The following NCALD variants were observed in gnomAD, a reference collection of about 807,000 sequenced individuals.
NCALD encodes the protein neurocalcin-delta.
Under a neutral mutation model 18.6 loss-of-function variants are expected in NCALD, and 10 were observed. That is an observed-to-expected ratio of 0.54 (90% confidence interval 0.33 to 0.91). The LOEUF (loss-of-function observed/expected upper bound fraction) is 0.91, where lower values mean the gene tolerates loss of function less well. Among genes scored for constraint, NCALD ranks in the 40% least tolerant of loss-of-function variants. The probability of loss-of-function intolerance (pLI) is 0.03; values close to 1 mark genes in which losing one functional copy is unlikely to be tolerated. For missense variants in NCALD, 184 were observed against 247.6 expected (o/e 0.74, Z 1.72); for synonymous variants, 88 against 87.4 (o/e 1.01, Z -0.04).
intron 4 of NCALD, among the ~76,000 whole-genome samples, chr8:101,843,586 T>TTTTTTTTTTG: frequency 6.7e-6 from 1 of 149,004 alleles, no homozygotes; most frequent in African/African-American, 2.5e-5. Flanking sequence ...AAAATTGTTT[T>TTTTTTTTTTG]TTTTTTTTTT....
At chr8:101,992,991 T>C (rs919164150) in intron 2 of NCALD, among the ~76,000 whole-genome samples, 10 of 148,792 alleles carry the variant, frequency 6.7e-5, no homozygotes, top group Non-Finnish European at 1.5e-5. Flanking sequence ...TCGTCCAAGA[T>C]AAGCCGAGGA....
At chr8:101,834,407 C>T (rs145902869) in intron 4 of NCALD, among the ~76,000 whole-genome samples, 2 of 152,222 alleles carry the variant, frequency 1.3e-5, no homozygotes, top group African/African-American at 2.4e-5. Flanking sequence ...TTTCCACTGG[C>T]GACTCAGCTA....
intron 1 of NCALD, among the ~76,000 whole-genome samples, chr8:101,774,842 C>T (rs1811727443): frequency 6.6e-6 from 1 of 152,176 alleles, no homozygotes; most frequent in South Asian, 2.1e-4. Flanking sequence ...AAGCTGAATG[C>T]TGCACTAGGT....
intron 4 of NCALD, among the ~76,000 whole-genome samples, chr8:101,827,182 C>T (rs1007904805): frequency 9.2e-5 from 14 of 152,286 alleles, no homozygotes; most frequent in African/African-American, 2.4e-4. Context: ...CTTATGGCTG[C>T]GTCACTACAG....
chr8:101,801,812 G>A (rs1812876120), intron 4 of NCALD, among the ~76,000 whole-genome samples: 1 of 151,454 alleles, frequency 6.6e-6, no homozygotes, highest in Non-Finnish European at 1.5e-5. Context: ...GACTACAGGT[G>A]CCCGCCACCA....
At chr8:101,819,592 T>C (rs1813637928) in intron 4 of NCALD, among the ~76,000 whole-genome samples, 1 of 152,114 alleles carries the variant, frequency 6.6e-6, no homozygotes, top group Non-Finnish European at 1.5e-5. Context: ...CCCCTGTAAA[T>C]CTCTTCCCAC....
chr8:101,835,299 T>C (rs1014043045), intron 4 of NCALD, among the ~76,000 whole-genome samples: 25 of 152,306 alleles, frequency 1.6e-4, no homozygotes, highest in Admixed American at 1.6e-3. Flanking sequence ...CTCTAGGCAA[T>C]AGTTCTCAAC....
Position 101,692,140 on chromosome 8 carries a change from T to C in NCALD, c.484+651A>G, listed in dbSNP as rs1044761618. 6 of 984,876 alleles carry C rather than the reference T, an allele frequency of 6.1e-6. No homozygotes were observed. The Admixed American group carries it at 3.1e-4, about 50-fold the overall frequency. 61.0% of individuals were successfully genotyped at this position (984,876 alleles called of 1,614,324 possible). A position where few individuals can be genotyped will look rare whatever the true frequency, so the allele number is the denominator to read the frequency against. On this transcript the variant is annotated intron_variant, in intron 3 of 3. Coordinates refer to ENST00000220931, the MANE Select transcript of NCALD (RefSeq NM_032041.3). ...GGATAATTGGGCCTCCTGTATTCTA[T>C]CTGGCAATTTAAGATCTAAAATCCT... is the stretch of plus-strand genomic sequence containing the variant.
At chr8:101,691,327 T>G in intron 3 of NCALD, 1 of 985,340 alleles carries the variant, frequency 1.0e-6, no homozygotes, top group Non-Finnish European at 1.2e-6. Flanking sequence ...AAGGCACAGG[T>G]CTTTAGCAGT....
chr8:101,804,520 C>T (rs1372936082), intron 4 of NCALD, among the ~76,000 whole-genome samples: 8 of 107,622 alleles, frequency 7.4e-5, no homozygotes, highest in African/African-American at 3.5e-4. Context: ...TAATATATAA[C>T]AAAGATTATA....
intron 1 of NCALD, among the ~76,000 whole-genome samples, chr8:102,044,003 T>G (rs1333046174): frequency 6.6e-6 from 1 of 151,912 alleles, no homozygotes; most frequent in Non-Finnish European, 1.5e-5. Flanking sequence ...CTAGTTTGCC[T>G]CAAATTCTTG....
intron 3 of NCALD, chr8:101,691,510 G>A (rs561127130): frequency 6.4e-5 from 63 of 985,198 alleles, no homozygotes; most frequent in Non-Finnish European, 7.2e-5. Flanking sequence ...CTGAAGAGCT[G>A]TCTGGACCTA....
At chr8:101,753,678 G>A (rs774894388) in intron 1 of NCALD, among the ~76,000 whole-genome samples, 1 of 152,162 alleles carries the variant, frequency 6.6e-6, no homozygotes, top group African/African-American at 2.4e-5. Flanking sequence ...GGGCTTCTTA[G>A]ATCTTAAGAC....
At chr8:101,764,860 A>T (rs1169403333) in intron 1 of NCALD, among the ~76,000 whole-genome samples, 1 of 152,208 alleles carries the variant, frequency 6.6e-6, no homozygotes, top group Non-Finnish European at 1.5e-5. Flanking sequence ...AACCACAGTC[A>T]GAAAGTGGCT....
chr8:101,755,998 C>G (rs1810861911), intron 1 of NCALD, among the ~76,000 whole-genome samples: 1 of 152,144 alleles, frequency 6.6e-6, no homozygotes, highest in Admixed American at 6.6e-5. Flanking sequence ...AGAAGCAGAA[C>G]AATTCCTAAA....
rs1487040955 is a variant in NCALD, at chr8:101,973,476, A to G, written c.-157+46761T>C. On this transcript the variant is annotated intron_variant, in intron 2 of 6. Coordinates refer to the NCALD transcript ENST00000311028. ...TTTCATCATGTCATATCAAAGGTGCATATTCCCCAGGATAATTTTTAAAAG... is the reference window on the plus strand; with the variant it reads ...TTTCATCATGTCATATCAAAGGTGCGTATTCCCCAGGATAATTTTTAAAAG... Among the ~76,000 whole-genome samples, 3 of 152,214 alleles carry G rather than the reference A, an allele frequency of 2.0e-5. No homozygotes were observed. The East Asian group carries it at 5.8e-4, about 29-fold the overall frequency.
intron 2 of NCALD, among the ~76,000 whole-genome samples, chr8:101,718,459 C>G (rs1169080863): frequency 6.6e-6 from 1 of 152,076 alleles, no homozygotes; most frequent in Non-Finnish European, 1.5e-5. Context: ...TGTCCATTTT[C>G]CACCCTATAC....
At position 102,004,347 on chromosome 8, in the gene NCALD, G is replaced by A. The variant is rs1427459621; in HGVS notation, c.-157+15890C>T. ...GGGATGTGAAGGACCTCTTCAAGGC[G>A]AACTACAAACCACTGCTCAAGGAAA... On this transcript the variant is annotated intron_variant, in intron 2 of 6. Coordinates refer to the NCALD transcript ENST00000311028. Among the ~76,000 whole-genome samples, 13 of 152,052 alleles carry A rather than the reference G, an allele frequency of 8.5e-5. No homozygotes were observed. The South Asian group carries it at 1.0e-3, about 12-fold the overall frequency.
intron 3 of NCALD, chr8:101,691,946 G>C (rs116932622): frequency 1.0e-6 from 1 of 985,426 alleles, no homozygotes; most frequent in Non-Finnish European, 1.2e-6. Flanking sequence ...CCTGAGCTGA[G>C]CTCTTTAAAC....
Sources: gnomAD v4.1 joint callset for allele counts (sites outside exome capture counted in the v4.1 genomes callset) on GRCh38, gnomAD v4.1.1 for gene constraint, MANE v1.5 for transcripts, NCBI Gene and HGNC (gene_info 2026-07-23, HGNC 2026-07-21) for gene names.